CTBP2: variants seen among roughly 807,000 people sequenced by gnomAD.
The protein encoded by CTBP2 is C-terminal-binding protein 2.
A neutral mutation model predicts 80.3 loss-of-function variants in CTBP2; 30 were observed. The ratio of observed to expected loss-of-function variants is 0.37; its 90% CI spans 0.28 to 0.51. The LOEUF (loss-of-function observed/expected upper bound fraction) is 0.51, where lower values mean the gene tolerates loss of function less well. Ranked by LOEUF, CTBP2 falls within the 20% of genes least tolerant of loss-of-function variation. The pLI is 0.93. For missense variants in CTBP2, 1,212 were observed against 1,375.3 expected, an observed-to-expected ratio of 0.88 and a Z score of 1.88; for synonymous variants, 594 against 587.4, an observed-to-expected ratio of 1.01 and a Z score of -0.16.
At chr10:125,064,270 A>G (rs930601624) in intron 2 of CTBP2, among the ~76,000 whole-genome samples, 1 of 152,200 alleles carries the variant, frequency 6.6e-6, no homozygotes, top group African/African-American at 2.4e-5. Context: ...TCCCCTGTCC[A>G]TTAGACAACA....
At chr10:125,088,234 G>C (rs1848281933) in intron 2 of CTBP2, 1 of 152,298 alleles carries the variant, frequency 6.6e-6, no homozygotes, top group African/African-American at 2.4e-5. Flanking sequence ...GAAGCTCACG[G>C]AACAGCACTG....
At chr10:125,010,025 G>A (rs914139817) in intron 1 of CTBP2, among the ~76,000 whole-genome samples, 8 of 152,128 alleles carry the variant, frequency 5.3e-5, no homozygotes, top group Admixed American at 1.3e-4. Context: ...CCCTCCTTGT[G>A]TCCCCAGCAG....
chr10:125,014,595 G>A (rs1348653536), intron 1 of CTBP2, among the ~76,000 whole-genome samples: 1 of 152,242 alleles, frequency 6.6e-6, no homozygotes, highest in African/African-American at 2.4e-5. Flanking sequence ...CCTCTTGGCG[G>A]CCTCCTGGCA....
At chr10:125,005,539 G>A in intron 1 of CTBP2, 3 of 1,606,590 alleles carry the variant, frequency 1.9e-6, no homozygotes, top group Non-Finnish European at 2.6e-6. Context: ...ACACCCCCGT[G>A]TCCTCACCAG....
At chr10:125,098,469 ATG>A (rs375356238) in intron 2 of CTBP2, among the ~76,000 whole-genome samples, 15 of 152,138 alleles carry the variant, frequency 9.9e-5, no homozygotes, top group Middle Eastern at 3.4e-3. Flanking sequence ...CACTTGGTTG[ATG>A]TGTGTTTAAC....
At chr10:125,068,637 A>G (rs1414573119) in intron 2 of CTBP2, among the ~76,000 whole-genome samples, 1 of 152,150 alleles carries the variant, frequency 6.6e-6, no homozygotes, top group Non-Finnish European at 1.5e-5. Flanking sequence ...CCAGGGTGCA[A>G]AGGTCTTAGT....
chr10:125,126,161 C>T (rs1018351733), intron 1 of CTBP2, among the ~76,000 whole-genome samples: 9 of 152,140 alleles, frequency 5.9e-5, no homozygotes, highest in African/African-American at 2.2e-4. Context: ...TGGGCCAGTT[C>T]AGCTGCTGGT....
chr10:125,154,723 A>T lies in CTBP2; in HGVS notation c.-206+5596T>A, dbSNP rs147931809. On this transcript the variant is annotated intron_variant, in intron 1 of 10. Transcript: ENST00000337195. ...ACATATTATCTACATATTCCACTTAAGGTGAGGGTTAGAAAGTGAGGGGCC... is the reference window on the plus strand; with the variant it reads ...ACATATTATCTACATATTCCACTTATGGTGAGGGTTAGAAAGTGAGGGGCC... Among the ~76,000 whole-genome samples, 328 of 152,336 alleles carry T rather than the reference A, an allele frequency of 2.2e-3. 2 individuals carry two copies. Among genetic ancestry groups the T allele is most frequent in the African/African-American group, 7.6e-3 (315 of 41,572 alleles).
chr10:125,073,799 T>A (rs1045340511), intron 2 of CTBP2, among the ~76,000 whole-genome samples: 2 of 152,208 alleles, frequency 1.3e-5, no homozygotes, highest in African/African-American at 4.8e-5. Context: ...CTCTGCGTGC[T>A]GCCCCCCGGA....
chr10:125,132,506 G>A (rs527534793), intron 1 of CTBP2, among the ~76,000 whole-genome samples: 2 of 152,276 alleles, frequency 1.3e-5, no homozygotes, highest in South Asian at 2.1e-4. Context: ...AACAGCTGGC[G>A]AGGGGCGGAG....
intron 1 of CTBP2, among the ~76,000 whole-genome samples, chr10:125,133,320 G>A (rs1856468289): frequency 2.0e-5 from 3 of 152,288 alleles, no homozygotes; most frequent in East Asian, 3.9e-4. Context: ...ACAGGTCAAG[G>A]CAGACCCAGC....
exon 3 of CTBP2, chr10:125,039,143 G>A (rs920716748): frequency 2.9e-5 from 32 of 1,117,278 alleles, no homozygotes; most frequent in Non-Finnish European, 4.0e-5. Flanking sequence ...CGTGCATGAC[G>A]CCACTATGAA....
At chr10:125,023,452 C>T (rs1957246468) in intron 1 of CTBP2, among the ~76,000 whole-genome samples, 1 of 152,230 alleles carries the variant, frequency 6.6e-6, no homozygotes, top group South Asian at 2.1e-4. Context: ...GCTCGGGTGA[C>T]AGCACGTGAC....
At chr10:125,071,702 G>T (rs1359093638) in intron 2 of CTBP2, among the ~76,000 whole-genome samples, 1 of 152,140 alleles carries the variant, frequency 6.6e-6, no homozygotes, top group Non-Finnish European at 1.5e-5. Flanking sequence ...ACGCTTAGAA[G>T]AAAGACAGTA....
At chr10:124,991,737 A>G (rs1410246449) in intron 8 of CTBP2, among the ~76,000 whole-genome samples, 1 of 152,138 alleles carries the variant, frequency 6.6e-6, no homozygotes, top group Non-Finnish European at 1.5e-5. Flanking sequence ...CTCCTACGAG[A>G]GAATGAAGAG....
intron 2 of CTBP2, among the ~76,000 whole-genome samples, chr10:125,092,176 CTTTTTT>C (rs71029238): frequency 1.4e-4 from 12 of 87,128 alleles, no homozygotes; most frequent in Admixed American, 1.3e-3. Context: ...TCTGAAGATT[CTTTTTT>C]TTTTTTTTTT....
At chr10:125,084,689 C>G (rs1240025398) in intron 2 of CTBP2, among the ~76,000 whole-genome samples, 2 of 152,176 alleles carry the variant, frequency 1.3e-5, no homozygotes, top group Non-Finnish European at 2.9e-5. Flanking sequence ...GTTCTGTGTC[C>G]CCTGGCAGAG....
At chr10:125,102,793 T>C (rs1850835397) in intron 2 of CTBP2, among the ~76,000 whole-genome samples, 1 of 152,146 alleles carries the variant, frequency 6.6e-6, no homozygotes, top group Admixed American at 6.5e-5. Context: ...GCTGGGTCCT[T>C]GAATTTGATA....
rs114521087 is a variant in CTBP2, at chr10:125,071,694, G to A, written c.-101-32539C>T. ...GACTAGAGCCAGTGAAGAATAAAAC[G>A]CTTAGAAGAAAGACAGTAACTCTCT... On this transcript the variant is annotated intron_variant, in intron 2 of 10. Coordinates refer to the CTBP2 transcript ENST00000337195. 4.6e-3 allele frequency among the ~76,000 whole-genome samples: 695 copies of A among 152,200 alleles called. 4 individuals carry two copies. Among genetic ancestry groups the A allele is most frequent in the African/African-American group, 0.015 (641 of 41,530 alleles).
Sources: gnomAD v4.1 joint callset for allele counts (sites outside exome capture counted in the v4.1 genomes callset) on GRCh38, gnomAD v4.1.1 for gene constraint, MANE v1.5 for transcripts, NCBI Gene and HGNC (gene_info 2026-07-23, HGNC 2026-07-21) for gene names.